SPECC1L: variants seen among roughly 807,000 people sequenced by gnomAD.
SPECC1L encodes the protein cytospin-A.
In SPECC1L, 40 loss-of-function variants were observed where a neutral mutation model predicts 116.8. The ratio of observed to expected loss-of-function variants is 0.34; its 90% CI spans 0.27 to 0.45. The LOEUF (loss-of-function observed/expected upper bound fraction) is 0.45, where lower values mean the gene tolerates loss of function less well. Among genes scored for constraint, SPECC1L ranks in the 20% least tolerant of loss-of-function variants. The pLI is 1.00. For missense variants in SPECC1L, 1,110 were observed against 1,373.6 expected (o/e 0.81, Z 3.03); for synonymous variants, 504 against 500.6 (o/e 1.01, Z -0.09).
intron 14 of SPECC1L, among the ~76,000 whole-genome samples, chr22:24,374,988 A>G (rs2041944315): frequency 6.6e-6 from 1 of 152,064 alleles, no homozygotes; most frequent in Non-Finnish European, 1.5e-5. Flanking sequence ...TACCAAAATC[A>G]GGAATAAAGG....
At chr22:24,285,529 TACA>T (rs1442498207) in intron 2 of SPECC1L, among the ~76,000 whole-genome samples, 1 of 152,202 alleles carries the variant, frequency 6.6e-6, no homozygotes, top group Non-Finnish European at 1.5e-5. Context: ...AATTCATGAA[TACA>T]AGCCAGCAAA....
chr22:24,351,744 A>G (rs971296991), intron 11 of SPECC1L, among the ~76,000 whole-genome samples: 4 of 152,250 alleles, frequency 2.6e-5, no homozygotes, highest in African/African-American at 9.6e-5. Context: ...CCAAATTGTG[A>G]TGAGAGTAGG....
In SPECC1L at chr22:24,414,919, G is replaced by A. The variant is rs1302106296; in HGVS notation, c.*296G>A. 2.3e-6 allele frequency: 1 copy of A among 434,802 alleles called. No individual in the cohort carries two copies. Among genetic ancestry groups the A allele is most frequent in the African/African-American group, 2.0e-5 (1 of 49,942 alleles). The allele number at this position is 434,802 out of a possible 1,614,324, so 26.9% of individuals were successfully genotyped here. ...CTGAAGAGAATATTGAACTACACTA[G>A]TGCTCCAGGGCACCAAACAAAAAGG... is the stretch of plus-strand genomic sequence containing the variant. On this transcript the variant is annotated 3_prime_UTR_variant, in exon 17 of 17. Coordinates refer to ENST00000314328, the MANE Select transcript of SPECC1L (RefSeq NM_015330.6).
rs1243738233 is a variant in SPECC1L at position 24,338,430 on chromosome 22, C to T, written c.2605C>T (p.Pro869Ser). The T allele has an allele frequency of 6.2e-7, 1 of 1,614,076 alleles. No individual in the cohort carries two copies. The highest frequency in any genetic ancestry group is 2.2e-5 in the East Asian group (1 of 44,862). The change falls in exon 10 of 17, where the codon CCA (proline) becomes TCA (serine). Residue 869 changes from proline (P) to serine (S), a missense_variant. Pro to Ser is a moderately conservative substitution (Grantham distance 74). This residue lies in a region of SPECC1L where 575 missense variants were observed against 682.4 expected (regional missense o/e 0.84). Coordinates refer to ENST00000314328, the MANE Select transcript of SPECC1L (RefSeq NM_015330.6). ...AAAIPRTPLSPSPMKTPPAAA... is the reference protein window; with the variant it reads ...AAAIPRTPLSSSPMKTPPAAA... ...TGCAATTCCTCGAACGCCCCTGAGC[C>T]CAAGTCCTATGAAAACCCCTCCTGC...
At chr22:24,353,561 C>A (rs756512543) in intron 11 of SPECC1L, among the ~76,000 whole-genome samples, 2 of 152,036 alleles carry the variant, frequency 1.3e-5, no homozygotes, top group Non-Finnish European at 2.9e-5. Flanking sequence ...CATACCACCA[C>A]ACTCAGCTAA....
At chr22:24,385,062 CA>C (rs36080329) in intron 14 of SPECC1L, among the ~76,000 whole-genome samples, 1,248 of 77,968 alleles carry the variant, frequency 0.016, 7 homozygotes, top group Non-Finnish European at 0.019. Context: ...AACTCCGTCT[CA>C]AAAAAAAAAA....
intron 14 of SPECC1L, among the ~76,000 whole-genome samples, chr22:24,370,097 A>G (rs1025537113): frequency 6.6e-6 from 1 of 152,254 alleles, no homozygotes; most frequent in African/African-American, 2.4e-5. Context: ...TCTCACCAAA[A>G]TGGCATAAAA....
chr22:24,396,748 G>T (rs960511304), intron 14 of SPECC1L, among the ~76,000 whole-genome samples: 25 of 152,114 alleles, frequency 1.6e-4, no homozygotes, highest in Non-Finnish European at 1.3e-4. Flanking sequence ...TGCGTTTCAC[G>T]TGGCCTCTGT....
At chr22:24,317,937 A>G (rs2040633181) in intron 4 of SPECC1L, among the ~76,000 whole-genome samples, 1 of 151,024 alleles carries the variant, frequency 6.6e-6, no homozygotes, top group Non-Finnish European at 1.5e-5. Context: ...GGCCGGGCAG[A>G]GACGCTCCTC....
At chr22:24,332,454 A>G (rs1221773096) in intron 8 of SPECC1L, among the ~76,000 whole-genome samples, 4 of 152,244 alleles carry the variant, frequency 2.6e-5, no homozygotes, top group Non-Finnish European at 4.4e-5. Context: ...ATGGTTTCAG[A>G]TTCCACATTG....
rs112778480 is a variant in SPECC1L at position 24,320,029 on chromosome 22, G to A, written c.308-1259G>A. Reference sequence around the variant, plus strand: ...TGGCTCACGCCTGTAATCCCAGCACGCTGGGAGACCGACGCGGGCAGATCA... The same window carrying A: ...TGGCTCACGCCTGTAATCCCAGCACACTGGGAGACCGACGCGGGCAGATCA... On this transcript the variant is annotated intron_variant, in intron 4 of 16. Transcript: ENST00000314328. Among the ~76,000 whole-genome samples, 1,573 of 152,282 alleles carry A rather than the reference G, an allele frequency of 0.01. 72 individuals are homozygous for A. The South Asian group carries it at 0.11, about 11-fold the overall frequency.
intron 11 of SPECC1L, among the ~76,000 whole-genome samples, chr22:24,353,855 A>C (rs745455339): frequency 6.6e-6 from 1 of 152,244 alleles, no homozygotes; most frequent in Non-Finnish European, 1.5e-5. Flanking sequence ...GCTGCTAGGA[A>C]TTAGTAAATA....
At chr22:24,347,292 A>G in intron 11 of SPECC1L, 116 bp downstream of exon 11, 1 of 777,546 alleles carries the variant, frequency 1.3e-6, no homozygotes, top group East Asian at 2.7e-5. Context: ...AATCTGGTAT[A>G]CCTTTGTATC....
chr22:24,327,839 G>A (rs963820474), intron 6 of SPECC1L, among the ~76,000 whole-genome samples: 2 of 152,250 alleles, frequency 1.3e-5, no homozygotes, highest in East Asian at 1.9e-4. Context: ...CAGATGTGTC[G>A]AGATGTGGTA....
rs971386147 is a variant in SPECC1L at position 24,324,370 on chromosome 22, G to A, written c.2089G>A (p.Val697Ile). ...KETIFELEDE[V>I]EQHRAVKLHD... is the part of the protein sequence containing the mutation. ...AACCATCTTTGAACTTGAAGATGAAGTAGAACAACATCGTGCTGTGAAACT... is the reference window on the plus strand; with the variant it reads ...AACCATCTTTGAACTTGAAGATGAAATAGAACAACATCGTGCTGTGAAACT... The change falls in exon 6 of 17, where the codon GTA (valine) becomes ATA (isoleucine). Residue 697 changes from valine (V) to isoleucine (I), a missense_variant. Coordinates refer to ENST00000314328, the MANE Select transcript of SPECC1L (RefSeq NM_015330.6). 1.9e-6 allele frequency: 3 copies of A among 1,614,068 alleles called. No individual in the cohort carries two copies. Among genetic ancestry groups the A allele is most frequent in the Admixed American group, 3.3e-5 (2 of 60,010 alleles).
chr22:24,327,787 G>A (rs190274002), intron 6 of SPECC1L, among the ~76,000 whole-genome samples: 2 of 152,132 alleles, frequency 1.3e-5, no homozygotes, highest in African/African-American at 4.8e-5. Flanking sequence ...TCATCACATG[G>A]CTTCTTCTGC....
rs1423531155 is a variant in SPECC1L at position 24,356,878 on chromosome 22, C to T, written c.2744-6383C>T. ...TTGTCAGCCTTGCCTTTATTGGCGT[C>T]CACATAACTGTTGTGGGGGATTGTT... On this transcript the variant is annotated intron_variant, in intron 11 of 16. Transcript: ENST00000314328. Among the ~76,000 whole-genome samples, 5 of 151,992 alleles carry T rather than the reference C, an allele frequency of 3.3e-5. No individual in the cohort carries two copies. The East Asian group carries it at 7.7e-4, about 24-fold the overall frequency.
chr22:24,336,011 G>A (rs902612081), intron 9 of SPECC1L, among the ~76,000 whole-genome samples: 14 of 151,890 alleles, frequency 9.2e-5, no homozygotes, highest in African/African-American at 3.4e-4. Context: ...CATATACAGA[G>A]TTTTCAGTAT....
At chr22:24,394,493 A>G (rs1039546742) in intron 14 of SPECC1L, among the ~76,000 whole-genome samples, 1 of 152,214 alleles carries the variant, frequency 6.6e-6, no homozygotes, top group African/African-American at 2.4e-5. Context: ...GGATTTCAAC[A>G]TAAGAATTTG....
Sources: gnomAD v4.1 joint callset for allele counts (sites outside exome capture counted in the v4.1 genomes callset) on GRCh38, gnomAD v4.1.1 for gene constraint, gnomAD v4.1.1 regional missense constraint, MANE v1.5 for transcripts, NCBI Gene and HGNC (gene_info 2026-07-23, HGNC 2026-07-21) for gene names.